SLC9A8: variants seen among roughly 807,000 people sequenced by gnomAD.
SLC9A8 encodes the protein sodium/hydrogen exchanger 8.
In SLC9A8, 48 loss-of-function variants were observed where a neutral mutation model predicts 66.6. The observed-to-expected ratio is 0.72, with a 90% CI of 0.57 to 0.92. The LOEUF is 0.92. SLC9A8 is among the 40% of genes least tolerant of loss of function. The pLI, the probability that SLC9A8 is intolerant of heterozygous loss-of-function variation, is 0.00. For missense variants in SLC9A8, 599 were observed against 747.3 expected, an observed-to-expected ratio of 0.80 and a Z score of 2.31; for synonymous variants, 274 against 282.6, an observed-to-expected ratio of 0.97 and a Z score of 0.31.
chr20:49,874,209 GCA>G (rs1266593003), intron 10 of SLC9A8, among the ~76,000 whole-genome samples: 531 of 6,696 alleles, frequency 0.079, 2 homozygotes, highest in African/African-American at 0.2. Context: ...AGCCAAGATC[GCA>G]CGCACTATTG....
chr20:49,853,624 C>A (rs889134019), intron 7 of SLC9A8, among the ~76,000 whole-genome samples: 1 of 152,160 alleles, frequency 6.6e-6, no homozygotes, highest in African/African-American at 2.4e-5. Flanking sequence ...GTGGAGTTAC[C>A]TTCCCTTTCT....
chr20:49,888,534 C>CT lies in SLC9A8; in HGVS notation c.*599dup, dbSNP rs891077407. On this transcript the variant is annotated 3_prime_UTR_variant, in exon 16 of 16. Coordinates refer to ENST00000361573, the MANE Select transcript of SLC9A8 (RefSeq NM_015266.3). ...CTTTACCTGATTGGCACTTCGCAGT[C>CT]TATCTCCCTGGGTAGCAGACGGCTG... 6.4e-6 allele frequency: 1 copy of CT among 155,098 alleles called. No individual in the cohort carries two copies. The highest frequency in any genetic ancestry group is 2.4e-5 in the African/African-American group (1 of 41,452). The allele number at this position is 155,098 out of a possible 1,614,324, so 9.6% of individuals were successfully genotyped here.
At chr20:49,834,564 C>T (rs1420211269) in intron 3 of SLC9A8, among the ~76,000 whole-genome samples, 3 of 149,488 alleles carry the variant, frequency 2.0e-5, no homozygotes, top group Non-Finnish European at 3.0e-5. Context: ...TTCATTTTCT[C>T]TGTTGGGTAG....
Position 49,849,737 on chromosome 20 carries a change from G to A in SLC9A8, c.534+57G>A, listed in dbSNP as rs2146611259. The A allele has an allele frequency of 2.9e-6, 4 of 1,394,016 alleles. No homozygotes were observed. The South Asian group carries it at 3.5e-5, about 12-fold the overall frequency. The allele number at this position is 1,394,016 out of a possible 1,614,324, so 86.4% of individuals were successfully genotyped here. On this transcript the variant is annotated intron_variant, in intron 6 of 15. Transcript: ENST00000361573. ...GTCTTACATTCTTAGAGCTAGTGCA[G>A]GGAGGTGGGAAGGTGAAATGGGGCC...
At chr20:49,832,121 CT>C (rs1400843768) in intron 3 of SLC9A8, among the ~76,000 whole-genome samples, 1 of 152,154 alleles carries the variant, frequency 6.6e-6, no homozygotes, top group African/African-American at 2.4e-5. Flanking sequence ...TGCCAAGCCC[CT>C]TGCATGCCCA....
intron 1 of SLC9A8, 80 bp from the exon 2 acceptor site, chr20:49,814,928 T>G: frequency 8.5e-7 from 1 of 1,180,232 alleles, no homozygotes; most frequent in Middle Eastern, 2.3e-4. Flanking sequence ...TTGGACAGCT[T>G]CTCTTTCTGG....
chr20:49,881,043 A>G lies in SLC9A8; in HGVS notation c.1270+8A>G, dbSNP rs1420430071. 2 of 1,584,662 alleles carry G rather than the reference A, an allele frequency of 1.3e-6. No individual in the cohort carries two copies. The highest frequency in any genetic ancestry group is 1.7e-6 in the Non-Finnish European group (2 of 1,153,138). On this transcript the variant is annotated splice_region_variant and intron_variant, in intron 13 of 15. Transcript: ENST00000361573. ...TCATCATGTGGTTTAGTGGTAAGTC[A>G]AATCTTGGATAAATGGGGTGGGGAA...
At chr20:49,827,773 C>T (rs564479537) in intron 3 of SLC9A8, among the ~76,000 whole-genome samples, 177 of 152,134 alleles carry the variant, frequency 1.2e-3, no homozygotes, top group Middle Eastern at 6.8e-3. Flanking sequence ...GAAAGTTTGA[C>T]TTTCAGTTGC....
chr20:49,818,688 G>T (rs1323150787), intron 2 of SLC9A8, among the ~76,000 whole-genome samples: 1 of 151,478 alleles, frequency 6.6e-6, no homozygotes, highest in Non-Finnish European at 1.5e-5. Flanking sequence ...ATGGGGTTTC[G>T]CCATGTTGGC....
rs973639064 is a variant in SLC9A8, at chr20:49,889,242, A to T, written c.*1306A>T. The T allele has an allele frequency of 6.6e-5, 10 of 152,234 alleles. No homozygotes were observed. Among genetic ancestry groups the T allele is most frequent in the African/African-American group, 2.2e-4 (9 of 41,456 alleles). 9.4% of individuals were successfully genotyped at this position (152,234 alleles called of 1,614,324 possible). ...CCGTATGTGGTTCTGGGTCCCAGGG[A>T]GCCTTGGAACCTGGCACCCTGGGGT... On this transcript the variant is annotated 3_prime_UTR_variant, in exon 16 of 16. Coordinates refer to ENST00000361573, the MANE Select transcript of SLC9A8 (RefSeq NM_015266.3).
intron 7 of SLC9A8, among the ~76,000 whole-genome samples, chr20:49,852,567 T>A (rs2088297665): frequency 6.6e-6 from 1 of 152,244 alleles, no homozygotes; most frequent in Non-Finnish European, 1.5e-5. Flanking sequence ...CATTTCTTTT[T>A]CATTTTGTTA....
At chr20:49,830,282 G>T (rs1426227496) in intron 3 of SLC9A8, 1 of 1,139,080 alleles carries the variant, frequency 8.8e-7, no homozygotes, top group African/African-American at 1.5e-5. Flanking sequence ...TCTCTAACTT[G>T]CTAAAAATGG....
At chr20:49,832,965 G>A (rs2087271846) in intron 3 of SLC9A8, among the ~76,000 whole-genome samples, 1 of 151,850 alleles carries the variant, frequency 6.6e-6, no homozygotes, top group Admixed American at 6.6e-5. Flanking sequence ...GAGTGCAATG[G>A]CATGGTCTCA....
chr20:49,819,240 T>C (rs753748444), intron 2 of SLC9A8, among the ~76,000 whole-genome samples: 1 of 152,242 alleles, frequency 6.6e-6, no homozygotes, highest in Non-Finnish European at 1.5e-5. Flanking sequence ...TGATATGTGT[T>C]TTATATATTT....
In SLC9A8 at chr20:49,835,679, C is replaced by CTTTTTT. The variant is rs34461954; in HGVS notation, c.290-3843_290-3838dup. Among the ~76,000 whole-genome samples the CTTTTTT allele has an allele frequency of 1.7e-3, 124 of 71,956 alleles. 6 individuals carry two copies. The highest frequency in any genetic ancestry group is 4.0e-3 in the African/African-American group (66 of 16,360). 47.2% of individuals were successfully genotyped at this position (71,956 alleles called of 152,430 possible). On this transcript the variant is annotated intron_variant, in intron 3 of 15. Coordinates refer to ENST00000361573, the MANE Select transcript of SLC9A8 (RefSeq NM_015266.3). ...TGTACTTTGTATGCCACACAATTCA[C>CTTTTTT]TTTTTTTTTTTTTTTTTTTTTTTTG... is the stretch of plus-strand genomic sequence containing the variant.
chr20:49,814,968 C>T, intron 1 of SLC9A8, 40 bp from the exon 2 acceptor site: 2 of 1,441,784 alleles, frequency 1.4e-6, no homozygotes, highest in Non-Finnish European at 1.9e-6. Flanking sequence ...TGTTTTGGGA[C>T]CCTTTTCCAT....
chr20:49,831,183 A>T (rs890297200), intron 3 of SLC9A8: 3 of 445,684 alleles, frequency 6.7e-6, no homozygotes, highest in Non-Finnish European at 8.3e-6. Flanking sequence ...GGACCAGCCC[A>T]CCTGTCTCCA....
In SLC9A8 at chr20:49,820,560, T is replaced by TG. The variant is rs199701548; in HGVS notation, c.209-2501_209-2500insG. Among the ~76,000 whole-genome samples, 87 of 152,164 alleles carry TG rather than the reference T, an allele frequency of 5.7e-4. 2 individuals are homozygous for TG. In the East Asian group the frequency reaches 0.016, roughly 27 times the overall value. The stretch of plus-strand genomic sequence containing the variant: ...ATTGTATTTTTGTTTTGTTTTGTTT[T>TG]TTTTGAGATGGAATCTTGCTCTGTC... On this transcript the variant is annotated intron_variant, in intron 2 of 15. Coordinates refer to ENST00000361573, the MANE Select transcript of SLC9A8 (RefSeq NM_015266.3).
intron 7 of SLC9A8, among the ~76,000 whole-genome samples, chr20:49,853,512 G>A (rs866933928): frequency 1.3e-5 from 2 of 152,240 alleles, no homozygotes; most frequent in Admixed American, 6.5e-5. Flanking sequence ...GTTGATGAGA[G>A]TGAAAATAAA....
Sources: allele counts gnomAD v4.1 joint callset (sites outside exome capture counted in the v4.1 genomes callset), GRCh38; gene constraint gnomAD v4.1.1; transcripts MANE v1.5; gene names NCBI Gene and HGNC (gene_info 2026-07-23, HGNC 2026-07-21).